EPHX4: variants seen among roughly 807,000 people sequenced by gnomAD.
The protein encoded by EPHX4 is epoxide hydrolase 4, also known as abhydrolase domain containing 7.
Under a neutral mutation model 44.9 loss-of-function variants are expected in EPHX4, and 31 were observed. That is an observed-to-expected ratio of 0.69 (90% CI 0.52 to 0.93). The LOEUF (loss-of-function observed/expected upper bound fraction) is 0.93. Among genes scored for constraint, EPHX4 ranks in the 40% least tolerant of loss-of-function variants. EPHX4 has a pLI of 0.00. For missense variants in EPHX4, 373 were observed against 438.1 expected (o/e 0.85, Z 1.33); for synonymous variants, 151 against 159.7 (o/e 0.95, Z 0.41).
intron 6 of EPHX4, among the ~76,000 whole-genome samples, chr1:92,060,197 C>A (rs1002794411): frequency 1.3e-5 from 2 of 151,760 alleles, no homozygotes; most frequent in Non-Finnish European, 2.9e-5. Context: ...TTGCTTGAAG[C>A]CAGGGGTTAC....
intron 3 of EPHX4, among the ~76,000 whole-genome samples, chr1:92,044,696 A>G (rs890664716): frequency 1.3e-5 from 2 of 152,172 alleles, no homozygotes; most frequent in African/African-American, 4.8e-5. Flanking sequence ...TCTGTGTTGA[A>G]TTGTACATAG....
chr1:92,053,508 G>A (rs573119704), intron 6 of EPHX4, among the ~76,000 whole-genome samples: 3 of 152,288 alleles, frequency 2.0e-5, no homozygotes, highest in South Asian at 4.1e-4. Context: ...TGTGGTCATA[G>A]TGCAGAGAAT....
At chr1:92,041,579 A>G (rs1439913410) in intron 2 of EPHX4, among the ~76,000 whole-genome samples, 3 of 152,212 alleles carry the variant, frequency 2.0e-5, no homozygotes, top group Non-Finnish European at 4.4e-5. Flanking sequence ...TTCCTGGGCC[A>G]GATAAGCATT....
intron 6 of EPHX4, among the ~76,000 whole-genome samples, chr1:92,061,868 G>A (rs1057504474): frequency 2.6e-5 from 4 of 152,030 alleles, no homozygotes; most frequent in African/African-American, 9.7e-5. Context: ...TTTTGATAAT[G>A]GAATTATAAA....
At chr1:92,032,419 A>G in intron 1 of EPHX4, 86 bp from the exon 2 acceptor site, 1 of 1,021,574 alleles carries the variant, frequency 9.8e-7, no homozygotes, top group Non-Finnish European at 1.5e-6. Context: ...GCAAGTTACT[A>G]TTTTTTTAAT....
At chr1:92,060,780 G>A (rs1275284822) in intron 6 of EPHX4, among the ~76,000 whole-genome samples, 4 of 151,968 alleles carry the variant, frequency 2.6e-5, no homozygotes, top group Non-Finnish European at 5.9e-5. Flanking sequence ...TAATTCAATT[G>A]TTCTGTGCAC....
chr1:92,046,434 C>T (rs1688581540), intron 4 of EPHX4, among the ~76,000 whole-genome samples: 1 of 152,064 alleles, frequency 6.6e-6, no homozygotes, highest in East Asian at 1.9e-4. Context: ...AATACTATAC[C>T]AAACTTAAAA....
intron 6 of EPHX4, among the ~76,000 whole-genome samples, chr1:92,058,435 C>T (rs1362966818): frequency 1.3e-5 from 2 of 149,804 alleles, no homozygotes; most frequent in African/African-American, 2.5e-5. Flanking sequence ...GAGCGAAACC[C>T]CGTCTCAGAA....
intron 6 of EPHX4, among the ~76,000 whole-genome samples, chr1:92,057,831 C>A (rs1647403446): frequency 6.6e-6 from 1 of 152,040 alleles, no homozygotes; most frequent in Admixed American, 6.6e-5. Context: ...GAACTCCTGA[C>A]CTCAGGTGAT....
At chr1:92,048,787 T>A (rs1406801240) in intron 4 of EPHX4, among the ~76,000 whole-genome samples, 2 of 152,060 alleles carry the variant, frequency 1.3e-5, no homozygotes, top group African/African-American at 2.4e-5. Flanking sequence ...ATAATCATAG[T>A]GCACTGAAGC....
chr1:92,032,335 T>A lies in EPHX4; in HGVS notation c.232-170T>A, dbSNP rs538503741. On this transcript the variant is annotated intron_variant, in intron 1 of 6. Transcript: ENST00000370383. ...TTTTGAAAATTAATAAAAGTAAATA[T>A]ATTTCTTGATGTTAAAAATAAGGCA... Among the ~76,000 whole-genome samples the A allele has an allele frequency of 3.6e-3, 554 of 152,356 alleles. 3 individuals carry two copies. The highest frequency in any genetic ancestry group is 5.6e-3 in the Non-Finnish European group (380 of 68,030).
At chr1:92,046,493 T>C (rs1282627582) in intron 4 of EPHX4, among the ~76,000 whole-genome samples, 3 of 152,214 alleles carry the variant, frequency 2.0e-5, no homozygotes, top group Non-Finnish European at 4.4e-5. Context: ...AGATGGAGTC[T>C]CGCTCTGTCG....
chr1:92,030,389 C>A (rs1474143543), intron 1 of EPHX4, 79 bp downstream of exon 1: 11 of 1,310,526 alleles, frequency 8.4e-6, no homozygotes, highest in Non-Finnish European at 1.1e-5. Flanking sequence ...GCTTCTCCTT[C>A]CGAGACGCTG....
chr1:92,038,294 C>G (rs17131594), intron 2 of EPHX4, among the ~76,000 whole-genome samples: 1 of 151,918 alleles, frequency 6.6e-6, no homozygotes. Flanking sequence ...AGACACGGAC[C>G]CTTAAGGTAT....
intron 4 of EPHX4, among the ~76,000 whole-genome samples, chr1:92,049,813 A>G (rs578010797): frequency 6.6e-6 from 1 of 152,236 alleles, no homozygotes; most frequent in South Asian, 2.1e-4. Context: ...TTAAAGTGGT[A>G]TAAGACCAGG....
At chr1:92,051,473 C>T (rs1022907371) in intron 5 of EPHX4, among the ~76,000 whole-genome samples, 6 of 151,462 alleles carry the variant, frequency 4.0e-5, no homozygotes, top group Non-Finnish European at 7.4e-5. Context: ...TTTAATATCA[C>T]TTATTTATTG....
chr1:92,043,250 G>A lies in EPHX4; in HGVS notation c.475+270G>A, dbSNP rs1378133699. On this transcript the variant is annotated intron_variant, in intron 3 of 6. Coordinates refer to ENST00000370383, the MANE Select transcript of EPHX4 (RefSeq NM_173567.5). ...TAATGGCCCGGGTGCTGTGGCTTGC[G>A]CCTATAATCCCAGCACTTTGAGAGG... 6 of 227,272 alleles carry A rather than the reference G, an allele frequency of 2.6e-5. 1 individual carries two copies. The highest frequency in any genetic ancestry group is 1.7e-4 in the South Asian group (2 of 11,756). 14.1% of individuals were successfully genotyped at this position (227,272 alleles called of 1,614,324 possible). A position where few individuals can be genotyped will look rare whatever the true frequency, so the allele number is the denominator to read the frequency against.
chr1:92,040,633 T>A (rs1688497140), intron 2 of EPHX4, among the ~76,000 whole-genome samples: 1 of 151,772 alleles, frequency 6.6e-6, no homozygotes, highest in Non-Finnish European at 1.5e-5. Context: ...CCTAATTTTT[T>A]AATTTTTTGT....
At chr1:92,056,526 A>G (rs1312730767) in intron 6 of EPHX4, among the ~76,000 whole-genome samples, 1 of 152,206 alleles carries the variant, frequency 6.6e-6, no homozygotes, top group Non-Finnish European at 1.5e-5. Context: ...AAGTTGATCA[A>G]TCAAGCAGAA....
Sources: gnomAD v4.1 joint callset for allele counts (sites outside exome capture counted in the v4.1 genomes callset) on GRCh38, gnomAD v4.1.1 for gene constraint, MANE v1.5 for transcripts, NCBI Gene and HGNC (gene_info 2026-07-23, HGNC 2026-07-21) for gene names.